The following ARAP2 variants were observed in gnomAD, a reference collection of about 807,000 sequenced individuals.
ARAP2 encodes the protein arf-GAP with Rho-GAP domain, ANK repeat and PH domain-containing protein 2.
ARAP2 carries 148 observed loss-of-function variants against 194.5 expected under a neutral mutation model. The observed-to-expected ratio is 0.76, with a 90% CI of 0.67 to 0.87. The LOEUF (loss-of-function observed/expected upper bound fraction) is 0.87, where lower values mean the gene tolerates loss of function less well. Among genes scored for constraint, ARAP2 ranks in the 40% least tolerant of loss-of-function variants. The pLI, the probability that ARAP2 is intolerant of heterozygous loss-of-function variation, is 0.00. For synonymous variants in ARAP2, 695 were observed against 683.5 expected (o/e 1.02, Z -0.26); for missense variants, 2,128 against 1,989.7 (o/e 1.07, Z -1.32).
intron 22 of ARAP2, among the ~76,000 whole-genome samples, chr4:36,121,831 A>G (rs1722744636): frequency 6.6e-6 from 1 of 151,742 alleles, no homozygotes; most frequent in South Asian, 2.1e-4. Flanking sequence ...ATCTGGGCCC[A>G]TGTGTCCATA....
At chr4:36,187,687 T>C (rs1740881277) in intron 7 of ARAP2, 116 bp from the exon 8 acceptor site, 7 of 852,772 alleles carry the variant, frequency 8.2e-6, no homozygotes, top group Non-Finnish European at 1.2e-5. Flanking sequence ...ATCCAAATTT[T>C]TTAAATGCCA....
At chr4:36,169,410 G>C (rs1004250810) in intron 9 of ARAP2, among the ~76,000 whole-genome samples, 2 of 152,176 alleles carry the variant, frequency 1.3e-5, no homozygotes, top group African/African-American at 4.8e-5. Flanking sequence ...TGCATGAATA[G>C]ATGGCTGCTC....
At chr4:36,155,507 T>C (rs1732048254) in intron 15 of ARAP2, among the ~76,000 whole-genome samples, 1 of 151,930 alleles carries the variant, frequency 6.6e-6, no homozygotes, top group South Asian at 2.1e-4. Flanking sequence ...AGAAAAGGAC[T>C]TGGCATGTTC....
At chr4:36,043,842 AGGG>A (rs1491165955) in intron 5 of ARAP2, among the ~76,000 whole-genome samples, 1 of 36,852 alleles carries the variant, frequency 2.7e-5, no homozygotes, top group African/African-American at 1.0e-4. Flanking sequence ...AGGGGAGGGG[AGGG>A]GGGAGGGGAG....
At chr4:36,139,073 G>A (rs1426759589) in intron 19 of ARAP2, among the ~76,000 whole-genome samples, 7 of 149,130 alleles carry the variant, frequency 4.7e-5, no homozygotes, top group Non-Finnish European at 7.5e-5. Context: ...TATCAGACAC[G>A]TGTATTTTGA....
intron 24 of ARAP2, 41 bp from the exon 25 acceptor site, chr4:36,117,176 T>C (rs371743218): frequency 1.4e-6 from 2 of 1,406,140 alleles, no homozygotes; most frequent in Non-Finnish European, 1.9e-6. Flanking sequence ...GATAAACATA[T>C]TGTAAAAACA....
rs534508090 is a variant in ARAP2 at position 36,137,524 on chromosome 4, AC to A, written c.3264-4136del. ...TTAAAAATGTAATTAGAAACAAATCACATAAGCCGAAGTTTTGACTGATCCC... is the reference window on the plus strand; with the variant it reads ...TTAAAAATGTAATTAGAAACAAATCAATAAGCCGAAGTTTTGACTGATCCC... On this transcript the variant is annotated intron_variant, in intron 19 of 32. Coordinates refer to ENST00000303965, the MANE Select transcript of ARAP2 (RefSeq NM_015230.4). Among the ~76,000 whole-genome samples, 51 of 151,982 alleles carry A rather than the reference AC, an allele frequency of 3.4e-4. 1 individual carries two copies. Among genetic ancestry groups the A allele is most frequent in the Admixed American group, 9.9e-4 (15 of 15,200 alleles).
intron 19 of ARAP2, among the ~76,000 whole-genome samples, chr4:36,133,717 A>G (rs1725989173): frequency 6.6e-6 from 1 of 151,798 alleles, no homozygotes; most frequent in South Asian, 2.1e-4. Context: ...AGGTTTTAGA[A>G]TTGTCGATTT....
chr4:36,141,546 A>G (rs1488662928), intron 19 of ARAP2, among the ~76,000 whole-genome samples: 1 of 151,706 alleles, frequency 6.6e-6, no homozygotes, highest in Non-Finnish European at 1.5e-5. Flanking sequence ...ATCTATCTAA[A>G]TAGTGACTAT....
intron 1 of ARAP2, among the ~76,000 whole-genome samples, chr4:36,238,105 T>C (rs933428266): frequency 7.9e-5 from 12 of 152,204 alleles, no homozygotes; most frequent in Admixed American, 1.3e-4. Context: ...CCTTAGTGTG[T>C]GGCAACATCC....
intron 5 of ARAP2, 29 bp downstream of exon 5, chr4:36,212,367 G>A: frequency 6.6e-7 from 1 of 1,516,812 alleles, no homozygotes; most frequent in Non-Finnish European, 9.1e-7. Flanking sequence ...ATTCTAAATA[G>A]TTAATCATCA....
At chr4:36,069,245 A>G (rs1726243353) in intron 32 of ARAP2, among the ~76,000 whole-genome samples, 1 of 152,204 alleles carries the variant, frequency 6.6e-6, no homozygotes, top group Non-Finnish European at 1.5e-5. Flanking sequence ...AATATAATGT[A>G]CAAATAATTT....
intron 1 of ARAP2, among the ~76,000 whole-genome samples, chr4:36,239,708 T>A (rs1035649337): frequency 2.0e-5 from 3 of 152,228 alleles, no homozygotes; most frequent in Admixed American, 1.3e-4. Flanking sequence ...ATTGTAAATA[T>A]ACTTAGCGTT....
At chr4:36,147,477 A>G in intron 18 of ARAP2, 71 bp downstream of exon 18, 1 of 1,571,276 alleles carries the variant, frequency 6.4e-7, no homozygotes, top group Non-Finnish European at 8.7e-7. Flanking sequence ...TCAAGATCTT[A>G]CTAAAGGCTA....
intron 5 of ARAP2, among the ~76,000 whole-genome samples, chr4:36,043,927 A>C (rs1186340856): frequency 4.2e-5 from 6 of 143,310 alleles, no homozygotes; most frequent in Admixed American, 2.1e-4. Context: ...AGAGAAAGAA[A>C]GAGAGAAAGA....
At chr4:36,122,985 T>C (rs952309755) in intron 22 of ARAP2, among the ~76,000 whole-genome samples, 31 of 151,780 alleles carry the variant, frequency 2.0e-4, no homozygotes, top group African/African-American at 7.3e-4. Context: ...GCAATACATA[T>C]GTTAATGTAG....
intron 9 of ARAP2, among the ~76,000 whole-genome samples, chr4:36,171,113 A>C (rs1736515060): frequency 6.6e-6 from 1 of 152,186 alleles, no homozygotes; most frequent in Admixed American, 6.5e-5. Flanking sequence ...TATTTGCAAA[A>C]TAGGGATAAC....
chr4:36,233,028 A>AGC (rs1412755829), intron 1 of ARAP2, among the ~76,000 whole-genome samples: 1 of 152,192 alleles, frequency 6.6e-6, no homozygotes, highest in East Asian at 1.9e-4. Flanking sequence ...AATATGGTTA[A>AGC]TGAATCTGAT....
At chr4:36,216,878 T>C (rs902722795) in intron 2 of ARAP2, among the ~76,000 whole-genome samples, 18 of 152,224 alleles carry the variant, frequency 1.2e-4, no homozygotes, top group African/African-American at 4.3e-4. Context: ...GGCAATTTCA[T>C]CATTTTGCAA....
Sources: gnomAD v4.1 joint callset for allele counts (sites outside exome capture counted in the v4.1 genomes callset) on GRCh38, gnomAD v4.1.1 for gene constraint, MANE v1.5 for transcripts, NCBI Gene and HGNC (gene_info 2026-07-23, HGNC 2026-07-21) for gene names.